The following SYNM variants were observed in gnomAD, a reference collection of about 807,000 sequenced individuals.
SYNM encodes the protein desmuslin.
SYNM carries 95 observed loss-of-function variants against 104.0 expected under a neutral mutation model. That is an observed-to-expected ratio of 0.91 (90% CI 0.77 to 1.08). The LOEUF is 1.08. Ranked by LOEUF, SYNM falls within the 50% of genes least tolerant of loss-of-function variation. The pLI is 0.00. For missense variants in SYNM, 2,150 were observed against 2,052.2 expected, an observed-to-expected ratio of 1.05 and a Z score of -0.92; for synonymous variants, 918 against 869.0, an observed-to-expected ratio of 1.06 and a Z score of -0.99.
intron 2 of SYNM, among the ~76,000 whole-genome samples, chr15:99,116,928 G>C (rs1053871330): frequency 2.1e-5 from 3 of 143,824 alleles, no homozygotes; most frequent in South Asian, 4.7e-4. Flanking sequence ...ACCCGCCTCA[G>C]CCTCTCAAAG....
At chr15:99,115,153 A>G (rs1555483782) in intron 2 of SYNM, among the ~76,000 whole-genome samples, 1 of 152,150 alleles carries the variant, frequency 6.6e-6, no homozygotes, top group Non-Finnish European at 1.5e-5. Flanking sequence ...GCCGTGTAAA[A>G]AGGGCACAGT....
intron 2 of SYNM, among the ~76,000 whole-genome samples, chr15:99,118,387 C>A (rs2067369833): frequency 1.3e-5 from 2 of 152,250 alleles, no homozygotes; most frequent in Non-Finnish European, 2.9e-5. Flanking sequence ...CATTTGATCT[C>A]TGCAAACCTT....
Position 99,131,416 on chromosome 15 carries a change from T to C in SYNM, c.3056T>C (p.Leu1019Pro), listed in dbSNP as rs1198268225. ...GCCGATCGGTTAGACCTGGAGGAGC[T>C]GAGCAAAGATGAGGCCAGTGAGATG... ...VDADRLDLEELSKDEASEMEK... is the reference protein window; with the variant it reads ...VDADRLDLEEPSKDEASEMEK... Residue 1019 changes from leucine to proline, a missense_variant, in exon 4 of 4, where the codon CTG (leucine) becomes CCG (proline). Transcript: ENST00000336292. The surrounding 1 kb of genome is among the most constrained non-coding windows in gnomAD (Gnocchi z 4.3). 1 of 1,610,850 alleles carries C rather than the reference T, an allele frequency of 6.2e-7. No individual in the cohort carries two copies. The highest frequency in any genetic ancestry group is 8.5e-7 in the Non-Finnish European group (1 of 1,179,176).
intron 2 of SYNM, 41 bp downstream of exon 2, chr15:99,113,756 G>A (rs1003296509): frequency 5.0e-6 from 8 of 1,608,146 alleles, no homozygotes; most frequent in South Asian, 2.2e-5. Flanking sequence ...GAAGCCATGG[G>A]GGTGTAACTT....
intron 2 of SYNM, among the ~76,000 whole-genome samples, chr15:99,123,630 G>C (rs1038934986): frequency 6.6e-6 from 1 of 152,230 alleles, no homozygotes. Flanking sequence ...CGAGGGAGGC[G>C]GCTCTGCGGC....
intron 2 of SYNM, among the ~76,000 whole-genome samples, chr15:99,121,404 G>T (rs1211228155): frequency 6.6e-6 from 1 of 152,124 alleles, no homozygotes; most frequent in East Asian, 1.9e-4. Context: ...GCGCCCAGGC[G>T]TGCAGACCTG....
At position 99,130,590 on chromosome 15, in the gene SYNM, G is replaced by C. The variant is rs782783847; in HGVS notation, c.2230G>C (p.Val744Leu). The change falls in exon 4 of 4, where the codon GTC becomes CTC. Residue 744 changes from valine (V) to leucine (L), a missense_variant. Coordinates refer to ENST00000336292, the MANE Select transcript of SYNM (RefSeq NM_145728.3). ...AGGGAGGGAGGGGAGAGCAAAGGTCGTCAACGTGGAGATCGTGGAGGAGCC... is the reference window on the plus strand; with the variant it reads ...AGGGAGGGAGGGGAGAGCAAAGGTCCTCAACGTGGAGATCGTGGAGGAGCC... ...LKGREGRAKV[V>L]NVEIVEEPVS... 6.2e-7 allele frequency: 1 copy of C among 1,613,700 alleles called. No individual in the cohort carries two copies. Among genetic ancestry groups the C allele is most frequent in the Non-Finnish European group, 8.5e-7 (1 of 1,179,752 alleles).
At chr15:99,116,748 A>C (rs1555484014) in intron 2 of SYNM, among the ~76,000 whole-genome samples, 1 of 142,800 alleles carries the variant, frequency 7.0e-6, no homozygotes, top group African/African-American at 2.5e-5. Context: ...GCTCACTGCA[A>C]CCTCTACCTC....
chr15:99,125,705 G>A (rs142531358), intron 2 of SYNM, among the ~76,000 whole-genome samples: 1 of 152,334 alleles, frequency 6.6e-6, no homozygotes, highest in Admixed American at 6.5e-5. Flanking sequence ...CATAAGATTG[G>A]CATTTCTCAG....
At chr15:99,110,776 A>G (rs1027205256) in intron 1 of SYNM, among the ~76,000 whole-genome samples, 1 of 152,248 alleles carries the variant, frequency 6.6e-6, no homozygotes, top group African/African-American at 2.4e-5. Flanking sequence ...TCTAAATAGC[A>G]AAAAGGTGAC....
chr15:99,105,699 G>A lies in SYNM; in HGVS notation c.500G>A (p.Arg167His). Reference protein sequence around the residue: ...ARAASLTMHFRARATGPAAPP... With the variant: ...ARAASLTMHFHARATGPAAPP... Reference sequence around the variant, plus strand: ...GCCGCCAGCCTTACCATGCATTTCCGCGCCCGCGCCACCGGCCCCGCCGCG... The same window carrying A: ...GCCGCCAGCCTTACCATGCATTTCCACGCCCGCGCCACCGGCCCCGCCGCG... The change falls in exon 1 of 4, where the codon CGC becomes CAC. Residue 167 changes from arginine to histidine, a missense_variant. Arg to His is a conservative substitution (Grantham distance 29). Transcript: ENST00000336292. 1 of 1,486,716 alleles carries A rather than the reference G, an allele frequency of 6.7e-7. No individual in the cohort carries two copies. The highest frequency in any genetic ancestry group is 8.9e-7 in the Non-Finnish European group (1 of 1,124,184). The allele number at this position is 1,486,716 out of a possible 1,614,324, so 92.1% of individuals were successfully genotyped here. A position where few individuals can be genotyped will look rare whatever the true frequency, so the allele number is the denominator to read the frequency against.
At position 99,131,191 on chromosome 15, in the gene SYNM, A is replaced by G; in HGVS notation, c.2831A>G (p.Glu944Gly). 1 of 1,608,188 alleles carries G rather than the reference A, an allele frequency of 6.2e-7. No individual in the cohort carries two copies. Among genetic ancestry groups the G allele is most frequent in the Non-Finnish European group, 8.5e-7 (1 of 1,177,304 alleles). ...TCCATGAAGGGCATCTCCTCCAAGG[A>G]GCCCCGGCAGCAGCTGGTGGAGGTC... is the stretch of plus-strand genomic sequence containing the variant. Reference protein sequence around the residue: ...HTSMKGISSKEPRQQLVEVIG... With the variant: ...HTSMKGISSKGPRQQLVEVIG... The change falls in exon 4 of 4, where the codon GAG becomes GGG. Residue 944 changes from glutamate to glycine, a missense_variant. Coordinates refer to ENST00000336292, the MANE Select transcript of SYNM (RefSeq NM_145728.3). This position sits in a 1 kb window ranked among gnomAD's most constrained non-coding sequence, Gnocchi z 4.3.
At chr15:99,141,438 T>G in the SYNM span, among the ~76,000 whole-genome samples, 3 of 152,198 alleles carry the variant, frequency 2.0e-5, no homozygotes, top group African/African-American at 7.2e-5. Context: ...TATCTGGGGA[T>G]GGGGTAGGTA....
At position 99,133,046 on chromosome 15, in the gene SYNM, G is replaced by C. The variant is rs1555486279; in HGVS notation, c.4686G>C (p.Gly1562=). ...YLDNEEEEND[G]HWF ...ACAATGAGGAGGAGGAGAATGATGG[G>C]CATTGGTTTTAATAAGCAGAAACAT... Residue 1562 remains glycine, a synonymous_variant, in exon 4 of 4, where the codon GGG becomes GGC. Coordinates refer to ENST00000336292, the MANE Select transcript of SYNM (RefSeq NM_145728.3). 1 of 1,613,470 alleles carries C rather than the reference G, an allele frequency of 6.2e-7. No individual in the cohort carries two copies. The highest frequency in any genetic ancestry group is 1.1e-5 in the South Asian group (1 of 91,034).
At chr15:99,119,767 A>G (rs1045223756) in intron 2 of SYNM, among the ~76,000 whole-genome samples, 1 of 152,248 alleles carries the variant, frequency 6.6e-6, no homozygotes. Flanking sequence ...CAAAATGAAT[A>G]CTTTATCTAG....
intron 1 of SYNM, among the ~76,000 whole-genome samples, chr15:99,108,518 G>C (rs1596117103): frequency 6.6e-6 from 1 of 152,184 alleles, no homozygotes; most frequent in South Asian, 2.1e-4. Flanking sequence ...TGGGGAGAGT[G>C]AAAAAATCCT....
At chr15:99,108,614 G>A (rs529619720) in intron 1 of SYNM, among the ~76,000 whole-genome samples, 1 of 152,304 alleles carries the variant, frequency 6.6e-6, no homozygotes, top group East Asian at 1.9e-4. Flanking sequence ...AGGTACCACA[G>A]ATGCCCTTCA....
chr15:99,133,427 A>G lies in SYNM; in HGVS notation c.*369A>G, dbSNP rs1596139702. On this transcript the variant is annotated 3_prime_UTR_variant, in exon 4 of 4. Transcript: ENST00000336292. ...TCAAAACATTAACCAGATTAAAGTAATATATTTAAGAGTAAATTTTGCTTG... is the reference window on the plus strand; with the variant it reads ...TCAAAACATTAACCAGATTAAAGTAGTATATTTAAGAGTAAATTTTGCTTG... The G allele has an allele frequency of 4.8e-6, 1 of 209,848 alleles. No individual in the cohort carries two copies. Among genetic ancestry groups the G allele is most frequent in the African/African-American group, 2.3e-5 (1 of 42,560 alleles). The allele number at this position is 209,848 out of a possible 1,614,324, so 13.0% of individuals were successfully genotyped here.
Position 99,131,992 on chromosome 15 carries a change from C to T in SYNM, c.3632C>T (p.Ser1211Phe), listed in dbSNP as rs137888307. ...CCAGAACCTGGCCCAGCAGAGTCTTCTGCAGATATGGACGGATCAGGGAGG... is the reference window on the plus strand; with the variant it reads ...CCAGAACCTGGCCCAGCAGAGTCTTTTGCAGATATGGACGGATCAGGGAGG... ...GSPEPGPAES[S>F]ADMDGSGRHS... The change falls in exon 4 of 4, where the codon TCT becomes TTT. Residue 1211 changes from serine (S) to phenylalanine (F), a missense_variant. Transcript: ENST00000336292. This position sits in a 1 kb window ranked among gnomAD's most constrained non-coding sequence, Gnocchi z 4.3. 5.8e-3 allele frequency: 9,353 copies of T among 1,614,012 alleles called. 40 individuals carry two copies. Among genetic ancestry groups the T allele is most frequent in the Non-Finnish European group, 6.8e-3 (8,042 of 1,179,892 alleles).
Sources: gnomAD v4.1 joint callset for allele counts (sites outside exome capture counted in the v4.1 genomes callset) on GRCh38, gnomAD v4.1.1 for gene constraint, Gnocchi (gnomAD v3.1) non-coding constraint, MANE v1.5 for transcripts, NCBI Gene and HGNC (gene_info 2026-07-23, HGNC 2026-07-21) for gene names.